Variants in PZP observed in about 807,000 individuals in gnomAD.
PZP encodes the protein PZP alpha-2-macroglobulin like.
PZP carries 150 observed loss-of-function variants against 179.8 expected under a neutral mutation model. The observed-to-expected ratio is 0.83, with a 90% confidence interval of 0.73 to 0.96. PZP has a LOEUF of 0.96. Ranked by LOEUF, PZP falls within the 40% of genes least tolerant of loss-of-function variation. The probability of loss-of-function intolerance (pLI) is 0.00; values close to 1 mark genes in which losing one functional copy is unlikely to be tolerated. For missense variants in PZP, 1,689 were observed against 1,764.0 expected, an observed-to-expected ratio of 0.96 and a Z score of 0.76; for synonymous variants, 624 against 652.3, an observed-to-expected ratio of 0.96 and a Z score of 0.66.
rs1157822184 is a variant in PZP at position 9,196,458 on chromosome 12, C to T, written c.983-19G>A. The T allele has an allele frequency of 2.5e-6, 4 of 1,590,008 alleles. No individual in the cohort carries two copies. In the East Asian group the frequency reaches 8.9e-5, roughly 36 times the overall value. On this transcript the variant is annotated intron_variant, in intron 9 of 35. Transcript: ENST00000261336. ...TCCAGGTCTGAAAAATATAAAGAGT[C>T]AGTACTTTTAGAAGTTACTTTAGTC... is the stretch of plus-strand genomic sequence containing the variant.
At chr12:9,193,963 A>G (rs1425359639) in intron 11 of PZP, 114 bp downstream of exon 11, 3 of 1,067,806 alleles carry the variant, frequency 2.8e-6, no homozygotes, top group Non-Finnish European at 2.6e-6. Flanking sequence ...TGTAAACTCA[A>G]AGTTAGATAT....
intron 13 of PZP, among the ~76,000 whole-genome samples, chr12:9,182,437 A>G (rs1033001523): frequency 1.3e-5 from 2 of 152,148 alleles, no homozygotes; most frequent in Non-Finnish European, 2.9e-5. Flanking sequence ...TGTGACAACT[A>G]TTTTATTTAC....
At chr12:9,167,763 C>T (rs980053435) in intron 17 of PZP, among the ~76,000 whole-genome samples, 12 of 152,032 alleles carry the variant, frequency 7.9e-5, no homozygotes, top group Admixed American at 5.2e-4. Flanking sequence ...TATTATATGC[C>T]GTCAATTTTC....
rs770754786 is a variant in PZP, at chr12:9,200,967, G to T, written c.595C>A (p.Gln199Lys). ...TGTACCACCACCCTGTAGGAGCCCT[G>T]AATGGGCTCTGATGAGAGGGGAAAG... ...LSFPLSSEPI[Q>K]GSYRVVVQTE... The change falls in exon 6 of 36, where the codon CAG becomes AAG. Residue 199 changes from glutamine to lysine, a missense_variant. Gln to Lys is a moderately conservative substitution (Grantham distance 53). This residue lies in a region of PZP where 742 missense variants were observed against 730.5 expected (regional missense o/e 1.02). Coordinates refer to ENST00000261336, the MANE Select transcript of PZP (RefSeq NM_002864.3). 6.2e-7 allele frequency: 1 copy of T among 1,613,940 alleles called. No homozygotes were observed. Among genetic ancestry groups the T allele is most frequent in the South Asian group, 1.1e-5 (1 of 91,066 alleles).
intron 26 of PZP, 82 bp from the exon 27 acceptor site, chr12:9,157,923 CA>C: frequency 5.3e-6 from 6 of 1,127,998 alleles, no homozygotes; most frequent in Non-Finnish European, 1.3e-6. Flanking sequence ...AAACGCTCCT[CA>C]GTATCTGTTT....
intron 18 of PZP, among the ~76,000 whole-genome samples, 158 bp downstream of exon 18, chr12:9,165,894 A>G (rs1038403475): frequency 6.6e-6 from 1 of 152,256 alleles, no homozygotes; most frequent in Non-Finnish European, 1.5e-5. Flanking sequence ...TGTATTAATG[A>G]GCCTATGCAA....
At chr12:9,179,532 C>T (rs773358316) in intron 15 of PZP, among the ~76,000 whole-genome samples, 1 of 152,158 alleles carries the variant, frequency 6.6e-6, no homozygotes, top group African/African-American at 2.4e-5. Flanking sequence ...TGTAGTAGGT[C>T]ATTTTTTAAA....
chr12:9,158,555 C>A lies in PZP; in HGVS notation c.3159G>T (p.Lys1053Asn). 6.2e-7 allele frequency: 1 copy of A among 1,614,090 alleles called. No homozygotes were observed. Among genetic ancestry groups the A allele is most frequent in the Non-Finnish European group, 8.5e-7 (1 of 1,179,992 alleles). The change falls in exon 26 of 36, where the codon AAG (lysine) becomes AAT (asparagine). Residue 1053 changes from lysine to asparagine, a missense_variant. Lys to Asn is a moderately conservative substitution (Grantham distance 94, BLOSUM62 0). Coordinates refer to ENST00000261336, the MANE Select transcript of PZP (RefSeq NM_002864.3). ...GNTWLTAFVLKTFAQARSYIF... is the reference protein window; with the variant it reads ...GNTWLTAFVLNTFAQARSYIF... ...TGTAGGATCGAGCCTGGGCGAAAGT[C>A]TTCAGTACAAAAGCTGTGAGCCTAG...
In PZP at chr12:9,154,729, C is replaced by T. The variant is rs577575931; in HGVS notation, c.3661G>A (p.Ala1221Thr). Residue 1221 changes from alanine (A) to threonine (T), a missense_variant, in exon 29 of 36, where the codon GCT becomes ACT. This residue lies in a region of PZP where 746 missense variants were observed against 749.2 expected (regional missense o/e 1.00). Transcript: ENST00000261336. ...GGGGCTGGCTGGGCCGTGAGATAAG[C>T]GAGGAGCACATAGGATGTCATCTCC... ...EVEMTSYVLL[A>T]YLTAQPAPTS... The T allele has an allele frequency of 3.1e-6, 5 of 1,614,042 alleles. No individual in the cohort carries two copies. The highest frequency in any genetic ancestry group is 2.7e-5 in the African/African-American group (2 of 74,980).
rs1943600904 is a variant in PZP at position 9,193,980 on chromosome 12, A to G, written c.1254+97T>C. 2.5e-6 allele frequency: 3 copies of G among 1,189,570 alleles called. No individual in the cohort carries two copies. In the East Asian group the frequency reaches 7.2e-5, roughly 29 times the overall value. 73.7% of individuals were successfully genotyped at this position (1,189,570 alleles called of 1,614,324 possible). A position where few individuals can be genotyped will look rare whatever the true frequency, so the allele number is the denominator to read the frequency against. The stretch of plus-strand genomic sequence containing the variant: ...TAAACTCAAAGTTAGATATCTTCTT[A>G]TTTCTTACTCTTAAATGCAATCTGT... On this transcript the variant is annotated intron_variant, in intron 11 of 35. Transcript: ENST00000261336.
chr12:9,146,832 A>G (rs1940034026), downstream of PZP, among the ~76,000 whole-genome samples: 1 of 152,158 alleles, frequency 6.6e-6, no homozygotes, highest in Admixed American at 6.6e-5. Context: ...TCTGTGCTGG[A>G]CCCATCAGAA....
At chr12:9,144,755 A>G (rs1054415957), downstream of PZP, among the ~76,000 whole-genome samples, 6 of 151,998 alleles carry the variant, frequency 3.9e-5, no homozygotes, top group Non-Finnish European at 5.9e-5. Flanking sequence ...TCAGAGGGAA[A>G]GTTATCTTGG....
chr12:9,150,788 CCTT>C (rs1565620235), intron 33 of PZP, 42 bp from the exon 34 acceptor site: 14 of 1,244,182 alleles, frequency 1.1e-5, no homozygotes, highest in Non-Finnish European at 1.7e-5. Context: ...TAGAAAACCT[CCTT>C]CTTTCTCCCA....
intron 15 of PZP, among the ~76,000 whole-genome samples, chr12:9,172,174 T>C (rs1350062594): frequency 6.6e-6 from 1 of 152,152 alleles, no homozygotes; most frequent in African/African-American, 2.4e-5. Flanking sequence ...CAGAAGAAAT[T>C]GGGGGCCAAT....
downstream of PZP, among the ~76,000 whole-genome samples, chr12:9,146,270 T>C (rs1029996279): frequency 1.3e-5 from 2 of 151,966 alleles, no homozygotes; most frequent in Non-Finnish European, 2.9e-5. Flanking sequence ...GGTGTTCAAA[T>C]TAACTGATCT....
chr12:9,179,030 C>T (rs1942581453), intron 15 of PZP, among the ~76,000 whole-genome samples: 1 of 152,124 alleles, frequency 6.6e-6, no homozygotes, highest in South Asian at 2.1e-4. Context: ...AGTTGATTGA[C>T]CCTTTTAAAT....
chr12:9,197,061 C>G lies in PZP; in HGVS notation c.818G>C (p.Arg273Pro). Residue 273 changes from arginine (R) to proline (P), a missense_variant, in exon 8 of 36, where the codon CGT becomes CCT. Arg to Pro is a moderately radical substitution (Grantham distance 103, BLOSUM62 -2). Coordinates refer to ENST00000261336, the MANE Select transcript of PZP (RefSeq NM_002864.3). ...CTCCTGCTTGTCACAATTAAGAACA[C>G]GAGATAATTTTCTACACAGGCTCAC... ...ATVSLCRKLS[R>P]VLNCDKQEVC... 6.2e-7 allele frequency: 1 copy of G among 1,613,502 alleles called. No homozygotes were observed. Among genetic ancestry groups the G allele is most frequent in the Non-Finnish European group, 8.5e-7 (1 of 1,179,736 alleles).
At chr12:9,160,775 C>A (rs1273748147) in intron 23 of PZP, among the ~76,000 whole-genome samples, 1 of 151,934 alleles carries the variant, frequency 6.6e-6, no homozygotes, top group African/African-American at 2.4e-5. Context: ...ATTAGCCGGG[C>A]GTGGTGGCGG....
At chr12:9,180,097 C>T (rs1942656505) in intron 15 of PZP, among the ~76,000 whole-genome samples, 1 of 152,096 alleles carries the variant, frequency 6.6e-6, no homozygotes, top group Admixed American at 6.6e-5. Context: ...CGTATTTTTA[C>T]TGTTATATTT....
Sources: gnomAD v4.1 joint callset for allele counts (sites outside exome capture counted in the v4.1 genomes callset) on GRCh38, gnomAD v4.1.1 for gene constraint, gnomAD v4.1.1 regional missense constraint, MANE v1.5 for transcripts, NCBI Gene and HGNC (gene_info 2026-07-23, HGNC 2026-07-21) for gene names.